Variants in ACOXL observed in about 807,000 individuals in gnomAD.
ACOXL encodes the protein acyl-coenzyme A oxidase-like protein.
A neutral mutation model predicts 71.9 loss-of-function variants in ACOXL; 70 were observed. That is an observed-to-expected ratio of 0.97 (90% CI 0.80 to 1.19). The LOEUF is 1.19. Ranked by LOEUF, ACOXL falls within the 50% of genes most tolerant of loss-of-function variation. The pLI, the probability that ACOXL is intolerant of heterozygous loss-of-function variation, is 0.00. For missense variants in ACOXL, 703 were observed against 736.3 expected (o/e 0.95, Z 0.52); for synonymous variants, 253 against 281.6 (o/e 0.90, Z 1.02).
chr2:110,765,922 T>C (rs1466425534), intron 1 of ACOXL, among the ~76,000 whole-genome samples: 3 of 152,216 alleles, frequency 2.0e-5, no homozygotes, highest in Non-Finnish European at 4.4e-5. Flanking sequence ...TATGCTGTAT[T>C]CTTGAGTTCA....
At chr2:110,770,057 A>G (rs1361764498) in intron 2 of ACOXL, among the ~76,000 whole-genome samples, 1 of 152,082 alleles carries the variant, frequency 6.6e-6, no homozygotes, top group African/African-American at 2.4e-5. Context: ...TGAACAAACA[A>G]ACAAACAAAA....
chr2:110,872,655 G>A (rs1695417965), intron 10 of ACOXL, among the ~76,000 whole-genome samples: 1 of 152,270 alleles, frequency 6.6e-6, no homozygotes, highest in Admixed American at 6.5e-5. Flanking sequence ...CTGGCCACCT[G>A]CACCCAGCTC....
chr2:111,077,451 G>A (rs1558943458), intron 16 of ACOXL, among the ~76,000 whole-genome samples: 1 of 152,106 alleles, frequency 6.6e-6, no homozygotes. Flanking sequence ...CATTAAACAT[G>A]TTTTAAAAGA....
intron 10 of ACOXL, among the ~76,000 whole-genome samples, chr2:110,886,276 A>C (rs961669322): frequency 6.6e-5 from 10 of 151,830 alleles, no homozygotes; most frequent in Admixed American, 6.6e-4. Flanking sequence ...CTAGTTTGGC[A>C]TTTTTAACCA....
At chr2:111,117,248 A>C (rs1451808262) in intron 17 of ACOXL, among the ~76,000 whole-genome samples, 1 of 152,158 alleles carries the variant, frequency 6.6e-6, no homozygotes, top group Non-Finnish European at 1.5e-5. Flanking sequence ...AGGGGAGGCA[A>C]AGAGAGAGGA....
chr2:110,779,978 T>C (rs1485580861), intron 2 of ACOXL, among the ~76,000 whole-genome samples: 1 of 152,206 alleles, frequency 6.6e-6, no homozygotes, highest in Non-Finnish European at 1.5e-5. Context: ...AATTAAGAAC[T>C]GCTGTTCATT....
chr2:110,807,815 CCTT>C (rs1439702485), intron 9 of ACOXL, among the ~76,000 whole-genome samples: 4 of 152,334 alleles, frequency 2.6e-5, no homozygotes, highest in East Asian at 1.9e-4. Context: ...TGGTCCTTCT[CCTT>C]CTGCTCTTGC....
At chr2:110,881,125 C>A (rs555772895) in intron 10 of ACOXL, among the ~76,000 whole-genome samples, 1 of 151,634 alleles carries the variant, frequency 6.6e-6, no homozygotes, top group Non-Finnish European at 1.5e-5. Context: ...TTTTATTGAA[C>A]AGTTCATATA....
intron 16 of ACOXL, among the ~76,000 whole-genome samples, chr2:111,070,727 G>C (rs1220745747): frequency 6.6e-6 from 1 of 151,924 alleles, no homozygotes; most frequent in Non-Finnish European, 1.5e-5. Flanking sequence ...TTTACTTCTT[G>C]TAGATGGGTT....
intron 14 of ACOXL, among the ~76,000 whole-genome samples, chr2:111,019,046 A>G (rs1158078335): frequency 6.6e-6 from 1 of 152,176 alleles, no homozygotes; most frequent in Non-Finnish European, 1.5e-5. Context: ...CCCATATTAA[A>G]TGTACATTTT....
intron 8 of ACOXL, 96 bp downstream of exon 8, chr2:110,801,820 G>A: frequency 9.7e-7 from 1 of 1,030,980 alleles, no homozygotes; most frequent in South Asian, 1.4e-5. Context: ...CTGCATGTCT[G>A]GGCATTCTTC....
At chr2:111,104,472 C>G (rs2069396261) in intron 17 of ACOXL, among the ~76,000 whole-genome samples, 1 of 152,170 alleles carries the variant, frequency 6.6e-6, no homozygotes, top group Non-Finnish European at 1.5e-5. Context: ...AGAAGTGATC[C>G]AGTCTCTTCA....
At chr2:110,813,477 G>A (rs1369806616) in intron 9 of ACOXL, among the ~76,000 whole-genome samples, 7 of 152,120 alleles carry the variant, frequency 4.6e-5, no homozygotes, top group Non-Finnish European at 1.0e-4. Flanking sequence ...GGAGAACGAT[G>A]CCCAGGCTGC....
Position 110,974,199 on chromosome 2 carries a change from G to A in ACOXL, c.1060-12909G>A, listed in dbSNP as rs77952046. On this transcript the variant is annotated intron_variant, in intron 12 of 17. Transcript: ENST00000439055. ...GATTCTCCTTATTGAAGTAGAGATGGAAATTTCAGGAGACACAGGGGAGAA... is the reference window on the plus strand; with the variant it reads ...GATTCTCCTTATTGAAGTAGAGATGAAAATTTCAGGAGACACAGGGGAGAA... Among the ~76,000 whole-genome samples, 595 of 152,284 alleles carry A rather than the reference G, an allele frequency of 3.9e-3. 4 individuals are homozygous for A. Among genetic ancestry groups the A allele is most frequent in the African/African-American group, 0.014 (564 of 41,548 alleles).
intron 14 of ACOXL, among the ~76,000 whole-genome samples, chr2:111,017,619 C>T (rs2064521524): frequency 6.6e-6 from 1 of 152,180 alleles, no homozygotes. Context: ...TCAGATTCAT[C>T]CCCGTCAACG....
At chr2:110,931,219 C>T (rs548729564) in intron 11 of ACOXL, among the ~76,000 whole-genome samples, 1 of 152,278 alleles carries the variant, frequency 6.6e-6, no homozygotes, top group East Asian at 1.9e-4. Context: ...TGTAAGGGTA[C>T]AGCAAAGAGT....
intron 17 of ACOXL, chr2:111,093,567 TA>T: frequency 3.1e-6 from 5 of 1,609,370 alleles, no homozygotes; most frequent in Middle Eastern, 3.3e-4. Flanking sequence ...AAAACCACTT[TA>T]AAAACATAAA....
At chr2:110,829,572 A>G (rs1311310189) in intron 9 of ACOXL, among the ~76,000 whole-genome samples, 2 of 152,210 alleles carry the variant, frequency 1.3e-5, no homozygotes, top group Non-Finnish European at 2.9e-5. Context: ...CTTTTGCTCC[A>G]GTGTCTTTGT....
chr2:110,988,857 T>TGTGTGTGTG, intron 13 of ACOXL, among the ~76,000 whole-genome samples: 1 of 143,488 alleles, frequency 7.0e-6, no homozygotes, highest in East Asian at 2.1e-4. Context: ...CCTATTTTTA[T>TGTGTGTGTG]TGTGTGTGTG....
Sources: allele counts gnomAD v4.1 joint callset (sites outside exome capture counted in the v4.1 genomes callset), GRCh38; gene constraint gnomAD v4.1.1; transcripts MANE v1.5; gene names NCBI Gene and HGNC (gene_info 2026-07-23, HGNC 2026-07-21).